TNFSF14: variants seen among roughly 807,000 people sequenced by gnomAD.
The protein encoded by TNFSF14 is tumor necrosis factor ligand superfamily member 14.
In TNFSF14, 15 loss-of-function variants were observed where a neutral mutation model predicts 22.7. The ratio of observed to expected loss-of-function variants is 0.66; its 90% CI spans 0.44 to 1.02. TNFSF14 has a LOEUF of 1.02. TNFSF14 is among the 50% of genes least tolerant of loss of function. The probability of loss-of-function intolerance (pLI) is 0.00; values close to 1 mark genes in which losing one functional copy is unlikely to be tolerated. For synonymous variants in TNFSF14, 133 were observed against 139.6 expected, an observed-to-expected ratio of 0.95 and a Z score of 0.33; for missense variants, 287 against 326.2, an observed-to-expected ratio of 0.88 and a Z score of 0.93.
chr19:6,665,953 A>G (rs937236010), intron 3 of TNFSF14, among the ~76,000 whole-genome samples: 7 of 151,998 alleles, frequency 4.6e-5, no homozygotes, highest in Non-Finnish European at 7.4e-5. Context: ...TGTATGTATT[A>G]ATTTGCTTTA....
chr19:6,666,035 CT>C (rs1268026583), intron 3 of TNFSF14, among the ~76,000 whole-genome samples: 1 of 151,978 alleles, frequency 6.6e-6, no homozygotes. Flanking sequence ...TATCTCAACT[CT>C]TTGCATCCCT....
intron 1 of TNFSF14, among the ~76,000 whole-genome samples, chr19:6,669,242 G>C (rs1568203930): frequency 6.6e-6 from 1 of 152,194 alleles, no homozygotes; most frequent in Non-Finnish European, 1.5e-5. Context: ...CCAGCACTTT[G>C]GGAGGCTGAG....
intron 3 of TNFSF14, among the ~76,000 whole-genome samples, chr19:6,665,879 C>G (rs752539816): frequency 6.6e-6 from 1 of 151,694 alleles, no homozygotes. Context: ...CTGTGCTCAA[C>G]CGATCCTTCA....
rs34381198 is a variant in TNFSF14, at chr19:6,669,737, T to TACACACACAC, written c.219+104_219+113dup. 1,964 of 1,231,818 alleles carry TACACACACAC rather than the reference T, an allele frequency of 1.6e-3. 16 individuals carry two copies. In the African/African-American group the frequency reaches 0.025, roughly 16 times the overall value. 76.3% of individuals were successfully genotyped at this position (1,231,818 alleles called of 1,614,324 possible). A position where few individuals can be genotyped will look rare whatever the true frequency, so the allele number is the denominator to read the frequency against. On this transcript the variant is annotated intron_variant, in intron 1 of 3. Coordinates refer to ENST00000675206, the MANE Select transcript of TNFSF14 (RefSeq NM_001376887.1). ...GCTGCTCTCAGCCTGTGCCCTGTCC[T>TACACACACAC]ACACACACACACACACACACACACA... is the stretch of plus-strand genomic sequence containing the variant.
chr19:6,661,587 T>C lies in TNFSF14; in HGVS notation c.*3339A>G, dbSNP rs1917243070. On this transcript the variant is annotated 3_prime_UTR_variant, in exon 4 of 4. Coordinates refer to ENST00000675206, the MANE Select transcript of TNFSF14 (RefSeq NM_001376887.1). ...TCTTATCAGTAATCGCATTCTTGGA[T>C]GTGCTGGGAGTCAGCTTAAGTCCTT... 2 of 152,204 alleles carry C rather than the reference T, an allele frequency of 1.3e-5. No homozygotes were observed. The highest frequency in any genetic ancestry group is 2.1e-4 in the South Asian group (1 of 4,808). 9.4% of individuals were successfully genotyped at this position (152,204 alleles called of 1,614,324 possible).
At chr19:6,669,686 G>C (rs189347051) in intron 1 of TNFSF14, among the ~76,000 whole-genome samples, 165 bp downstream of exon 1, 8 of 151,556 alleles carry the variant, frequency 5.3e-5, no homozygotes, top group Non-Finnish European at 1.2e-4. Flanking sequence ...CTTGCCCAAG[G>C]CTGGGAGCAG....
At chr19:6,667,353 G>T in intron 2 of TNFSF14, 60 bp downstream of exon 2, 4 of 1,499,456 alleles carry the variant, frequency 2.7e-6, no homozygotes, top group Non-Finnish European at 2.7e-6. Flanking sequence ...ATTGACCGAG[G>T]GGTGGGGGTG....
In TNFSF14 at chr19:6,661,582, T is replaced by C. The variant is rs1337264965; in HGVS notation, c.*3344A>G. ...CAGTATCTTATCAGTAATCGCATTC[T>C]TGGATGTGCTGGGAGTCAGCTTAAG... On this transcript the variant is annotated 3_prime_UTR_variant, in exon 4 of 4. Transcript: ENST00000675206. 1 of 152,198 alleles carries C rather than the reference T, an allele frequency of 6.6e-6. No individual in the cohort carries two copies. Among genetic ancestry groups the C allele is most frequent in the Non-Finnish European group, 1.5e-5 (1 of 68,034 alleles). The allele number at this position is 152,198 out of a possible 1,614,324, so 9.4% of individuals were successfully genotyped here.
chr19:6,669,799 C>T (rs1465945508), intron 1 of TNFSF14, 52 bp downstream of exon 1: 2 of 1,594,572 alleles, frequency 1.3e-6, no homozygotes, highest in Admixed American at 1.7e-5. Flanking sequence ...CACAATGACA[C>T]AGGGGAGCCC....
At position 6,667,987 on chromosome 19, in the gene TNFSF14, A is replaced by G. The variant is rs551043993; in HGVS notation, c.220-538T>C. Among the ~76,000 whole-genome samples the G allele has an allele frequency of 3.3e-5, 5 of 152,168 alleles. 1 individual carries two copies. The highest frequency in any genetic ancestry group is 2.1e-4 in the South Asian group (1 of 4,824). On this transcript the variant is annotated intron_variant, in intron 1 of 3. Transcript: ENST00000675206. ...ACCTGGGAGGTTGCAGTGGGCCCAG[A>G]TTGTGCCACTGCACTCTAGCCTAGG...
chr19:6,667,023 G>C, intron 3 of TNFSF14, 90 bp downstream of exon 3: 1 of 1,423,640 alleles, frequency 7.0e-7, no homozygotes, highest in Non-Finnish European at 9.7e-7. Flanking sequence ...AGCAATGAAT[G>C]AATGAATACA....
chr19:6,667,175 G>A, intron 2 of TNFSF14, 21 bp from the exon 3 acceptor site: 1 of 1,574,652 alleles, frequency 6.4e-7, no homozygotes, highest in South Asian at 1.2e-5. Flanking sequence ...AGGGTCAGAG[G>A]TTAGAGACGA....
rs1917555363 is a variant in TNFSF14, at chr19:6,669,995, T to C, written c.75A>G (p.Gly25=). ...GQTDIPFTRL[G]RSHRRQSCSV... ...TGCACGACTGTCTCCGGTGGCTTCGTCCCAGCCTCGTGAATGGGATGTCGG... is the reference window on the plus strand; with the variant it reads ...TGCACGACTGTCTCCGGTGGCTTCGCCCCAGCCTCGTGAATGGGATGTCGG... The change falls in exon 1 of 4, where the codon GGA becomes GGG. Residue 25 remains glycine, a synonymous_variant. Transcript: ENST00000675206. 1.1e-5 allele frequency: 18 copies of C among 1,614,000 alleles called. No homozygotes were observed. The highest frequency in any genetic ancestry group is 1.4e-5 in the Non-Finnish European group (17 of 1,180,000).
rs144111500 is a variant in TNFSF14 at position 6,669,903 on chromosome 19, C to G, written c.167G>C (p.Trp56Ser). 1.9e-6 allele frequency: 3 copies of G among 1,613,794 alleles called. No individual in the cohort carries two copies. In the African/African-American group the frequency reaches 4.0e-5, roughly 22 times the overall value. The stretch of plus-strand genomic sequence containing the variant: ...ACGCCAGTGCAGCTGCAGGAGGAAC[C>G]AGCCTTGGACGGCCAGCCCGGCCCC... ...LMGAGLAVQG[W>S]FLLQLHWRLG... Residue 56 changes from tryptophan to serine, a missense_variant, in exon 1 of 4, where the codon TGG (tryptophan) becomes TCG (serine). Physicochemically the swap from Trp to Ser is radical, Grantham distance 177. Coordinates refer to ENST00000675206, the MANE Select transcript of TNFSF14 (RefSeq NM_001376887.1).
chr19:6,668,014 G>A (rs905517918), intron 1 of TNFSF14, among the ~76,000 whole-genome samples: 5 of 151,832 alleles, frequency 3.3e-5, no homozygotes, highest in African/African-American at 1.2e-4. Flanking sequence ...TAGCCTAGGT[G>A]ACAGAGTGAG....
At chr19:6,670,434 C>T, upstream of TNFSF14, 1 of 338,384 alleles carries the variant, frequency 3.0e-6, no homozygotes. Context: ...AGGCTCTGCT[C>T]TCGGTGTGGG....
chr19:6,670,097 A>C lies in TNFSF14; in HGVS notation c.-28T>G. ...CCAAGGTGTCTGGAGCAGGGCTGACACGCCTGGGTCCTTCAACCTCAGAGG... is the reference window on the plus strand; with the variant it reads ...CCAAGGTGTCTGGAGCAGGGCTGACCCGCCTGGGTCCTTCAACCTCAGAGG... On this transcript the variant is annotated 5_prime_UTR_variant, in exon 1 of 4. Coordinates refer to ENST00000675206, the MANE Select transcript of TNFSF14 (RefSeq NM_001376887.1). 6.2e-7 allele frequency: 1 copy of C among 1,607,492 alleles called. No individual in the cohort carries two copies.
chr19:6,665,239 T>C lies in TNFSF14; in HGVS notation c.410A>G (p.Lys137Arg). ...GGAGTAGATGTAGTAGTAGCCAGCT[T>C]TGGTGACCACAAGGGCCCCATCGTG... Reference protein sequence around the residue: ...SYHDGALVVTKAGYYYIYSKV... With the variant: ...SYHDGALVVTRAGYYYIYSKV... The change falls in exon 4 of 4, where the codon AAA becomes AGA. Residue 137 changes from lysine (K) to arginine (R), a missense_variant. Physicochemically the swap from Lys to Arg is conservative, Grantham distance 26. Transcript: ENST00000675206. The C allele has an allele frequency of 6.2e-7, 1 of 1,614,122 alleles. No homozygotes were observed. The highest frequency in any genetic ancestry group is 8.5e-7 in the Non-Finnish European group (1 of 1,180,030).
rs373524805 is a variant in TNFSF14, at chr19:6,665,142, G to C, written c.507C>G (p.Arg169=). Residue 169 remains arginine, a synonymous_variant, in exon 4 of 4, where the codon CGC becomes CGG. Coordinates refer to ENST00000675206, the MANE Select transcript of TNFSF14 (RefSeq NM_001376887.1). Reference sequence around the variant, plus strand: ...CCAGCTCCTCGGGGTAGCGGGGTGTGCGCTTGTAGAGGCCGTGGGTGATGG... The same window carrying C: ...CCAGCTCCTCGGGGTAGCGGGGTGTCCGCTTGTAGAGGCCGTGGGTGATGG... The part of the protein sequence containing the change: ...ASTITHGLYK[R]TPRYPEELEL... 1.2e-6 allele frequency: 2 copies of C among 1,613,908 alleles called. No homozygotes were observed. The highest frequency in any genetic ancestry group is 2.2e-5 in the South Asian group (2 of 91,074).
Sources: gnomAD v4.1 joint callset for allele counts (sites outside exome capture counted in the v4.1 genomes callset) on GRCh38, gnomAD v4.1.1 for gene constraint, MANE v1.5 for transcripts, NCBI Gene and HGNC (gene_info 2026-07-23, HGNC 2026-07-21) for gene names.